The following CCDC134 variants were observed in gnomAD, a reference collection of about 807,000 sequenced individuals.
CCDC134 encodes coiled-coil domain-containing protein 134.
Under a neutral mutation model 25.6 loss-of-function variants are expected in CCDC134, and 27 were observed. The observed-to-expected ratio is 1.05, with a 90% confidence interval of 0.78 to 1.45. The LOEUF is 1.45. Ranked by LOEUF, CCDC134 falls within the 40% of genes most tolerant of loss-of-function variation. The pLI is 0.00. For missense variants in CCDC134, 261 were observed against 286.7 expected (o/e 0.91, Z 0.65); for synonymous variants, 110 against 115.0 (o/e 0.96, Z 0.28).
In CCDC134 at chr22:41,813,272, C is replaced by G; in HGVS notation, c.319C>G (p.His107Asp). Residue 107 changes from histidine to aspartate, a missense_variant, in exon 5 of 7, where the codon CAC (histidine) becomes GAC (aspartate). Transcript: ENST00000255784. ...CAGGGTCCTCTCGCCAGCTTTCTCC[C>G]ACGTGGTGGAGAACACGGCCTTCTT... ...QDEKLKDAFS[H>D]VVENTAFFGD... The G allele has an allele frequency of 6.2e-7, 1 of 1,614,166 alleles. No homozygotes were observed. Among genetic ancestry groups the G allele is most frequent in the Non-Finnish European group, 8.5e-7 (1 of 1,180,016 alleles).
intron 4 of CCDC134, 98 bp from the exon 5 acceptor site, chr22:41,813,166 G>T (rs2076605149): frequency 1.6e-6 from 2 of 1,227,366 alleles, no homozygotes; most frequent in Admixed American, 1.8e-5. Flanking sequence ...TTGCTTGGTG[G>T]GTTTGGTGGA....
At chr22:41,810,369 A>G (rs1399081912) in intron 4 of CCDC134, 78 bp downstream of exon 4, 14 of 1,372,190 alleles carry the variant, frequency 1.0e-5, no homozygotes, top group South Asian at 1.3e-5. Context: ...TGTTCTTGTC[A>G]CTCTTTTTTT....
rs1296576541 is a variant in CCDC134, at chr22:41,829,223, A to T, written c.*3400A>T. Among the ~76,000 whole-genome samples the T allele has an allele frequency of 1.3e-5, 2 of 151,898 alleles. No homozygotes were observed. The highest frequency in any genetic ancestry group is 4.8e-5 in the African/African-American group (2 of 41,338). On this transcript the variant is annotated 3_prime_UTR_variant, in exon 7 of 7. Transcript: ENST00000255784. Reference sequence around the variant, plus strand: ...CCACATCTTCCTCCCCTTCCCCATCACTGTCCTCAGAGAGATGCTGTTGAC... The same window carrying T: ...CCACATCTTCCTCCCCTTCCCCATCTCTGTCCTCAGAGAGATGCTGTTGAC...
At chr22:41,811,199 G>A (rs1028115768) in intron 4 of CCDC134, among the ~76,000 whole-genome samples, 1 of 152,140 alleles carries the variant, frequency 6.6e-6, no homozygotes, top group African/African-American at 2.4e-5. Context: ...GGATCTGGGG[G>A]ACTTGCTACC....
intron 1 of CCDC134, among the ~76,000 whole-genome samples, chr22:41,802,774 C>T (rs906205537): frequency 5.9e-5 from 9 of 151,814 alleles, no homozygotes; most frequent in African/African-American, 1.9e-4. Flanking sequence ...ATTAGCCGGG[C>T]GTGGTGGCAG....
At chr22:41,804,572 T>G (rs2148303478) in intron 1 of CCDC134, among the ~76,000 whole-genome samples, 1 of 152,286 alleles carries the variant, frequency 6.6e-6, no homozygotes, top group African/African-American at 2.4e-5. Flanking sequence ...TTAAAAACCA[T>G]TTAAGGCTAG....
chr22:41,808,074 C>T (rs753123100), intron 1 of CCDC134, among the ~76,000 whole-genome samples: 1 of 151,746 alleles, frequency 6.6e-6, no homozygotes, highest in Admixed American at 6.6e-5. Context: ...GCAGGAGAAT[C>T]GCTTGAACCC....
At chr22:41,816,870 AT>A (rs1440498670) in intron 6 of CCDC134, among the ~76,000 whole-genome samples, 2 of 152,162 alleles carry the variant, frequency 1.3e-5, no homozygotes, top group Non-Finnish European at 1.5e-5. Context: ...GTGAGCCAAG[AT>A]CGCACCACTG....
intron 1 of CCDC134, among the ~76,000 whole-genome samples, chr22:41,803,348 T>G (rs1324110674): frequency 6.6e-6 from 1 of 152,218 alleles, no homozygotes; most frequent in Non-Finnish European, 1.5e-5. Flanking sequence ...TACCTGGAGT[T>G]CATTGTTAAG....
chr22:41,820,495 C>T (rs537220609), intron 6 of CCDC134, among the ~76,000 whole-genome samples: 177 of 152,212 alleles, frequency 1.2e-3, no homozygotes, highest in African/African-American at 3.9e-3. Flanking sequence ...GGAGCATGGT[C>T]GGGGACCAGA....
At chr22:41,810,088 G>A (rs2076587154) in intron 3 of CCDC134, 88 bp downstream of exon 3, 2 of 1,597,764 alleles carry the variant, frequency 1.3e-6, no homozygotes, top group South Asian at 2.2e-5. Flanking sequence ...ACGGGTTGGT[G>A]TTCAGGGACA....
chr22:41,806,876 G>A (rs778419746), intron 1 of CCDC134, among the ~76,000 whole-genome samples: 7 of 151,908 alleles, frequency 4.6e-5, no homozygotes, highest in African/African-American at 9.7e-5. Context: ...GCAAAACCCC[G>A]TTGCTACTAA....
chr22:41,819,275 G>A (rs1340921218), intron 6 of CCDC134, among the ~76,000 whole-genome samples: 3 of 152,176 alleles, frequency 2.0e-5, no homozygotes, highest in Admixed American at 6.5e-5. Context: ...TGGCCCTGTC[G>A]CAGCTCCTCA....
In CCDC134 at chr22:41,825,643, G is replaced by T; in HGVS notation, c.565-55G>T. On this transcript the variant is annotated intron_variant, in intron 6 of 6. Transcript: ENST00000255784. The surrounding 1 kb of genome is among the most constrained non-coding windows in gnomAD (Gnocchi z 4.4). Reference sequence around the variant, plus strand: ...CACACCCCGCTGGTGGCCTAGCTCAGAGCAGGCTCTTTGCTGCCACAGACT... The same window carrying T: ...CACACCCCGCTGGTGGCCTAGCTCATAGCAGGCTCTTTGCTGCCACAGACT... The T allele has an allele frequency of 6.2e-7, 1 of 1,609,872 alleles. No homozygotes were observed. Among genetic ancestry groups the T allele is most frequent in the South Asian group, 1.1e-5 (1 of 90,740 alleles).
At position 41,831,835 on chromosome 22, in the gene CCDC134, G is replaced by A. The variant is rs958284936; in HGVS notation, c.*6012G>A. 6.6e-6 allele frequency: 1 copy of A among 152,046 alleles called. No homozygotes were observed. Among genetic ancestry groups the A allele is most frequent in the Non-Finnish European group, 1.5e-5 (1 of 68,016 alleles). The allele number at this position is 152,046 out of a possible 1,614,324, so 9.4% of individuals were successfully genotyped here. On this transcript the variant is annotated 3_prime_UTR_variant, in exon 7 of 7. Transcript: ENST00000255784. ...TTTTGCTAGACTGGAAGCTCTCAGA[G>A]GGCAGGAACCATTTGTTTCCCTGCC...
At chr22:41,804,081 C>G (rs1011447784) in intron 1 of CCDC134, among the ~76,000 whole-genome samples, 2 of 151,994 alleles carry the variant, frequency 1.3e-5, no homozygotes, top group African/African-American at 2.4e-5. Flanking sequence ...TTCATTGAGC[C>G]GAGATTGCAC....
chr22:41,825,732 T>C lies in CCDC134; in HGVS notation c.599T>C (p.Leu200Pro), dbSNP rs372744004. ...IPSTDPFQKALREEEKRRKKE... is the reference protein window; with the variant it reads ...IPSTDPFQKAPREEEKRRKKE... The stretch of plus-strand genomic sequence containing the variant: ...AGCACTGACCCTTTCCAGAAGGCCC[T>C]GAGAGAAGAAGAGAAACGCCGAAAG... The change falls in exon 7 of 7, where the codon CTG becomes CCG. Residue 200 changes from leucine to proline, a missense_variant. By Grantham distance (98) the Leu-to-Pro change is moderately conservative. Transcript: ENST00000255784. The surrounding 1 kb of genome is among the most constrained non-coding windows in gnomAD (Gnocchi z 4.4). 1.2e-6 allele frequency: 2 copies of C among 1,614,048 alleles called. No homozygotes were observed. The highest frequency in any genetic ancestry group is 1.7e-6 in the Non-Finnish European group (2 of 1,179,990).
At chr22:41,808,083 C>A (rs2076577032) in intron 1 of CCDC134, among the ~76,000 whole-genome samples, 1 of 151,904 alleles carries the variant, frequency 6.6e-6, no homozygotes, top group African/African-American at 2.4e-5. Flanking sequence ...TCGCTTGAAC[C>A]CGGGAGGTGG....
intron 1 of CCDC134, among the ~76,000 whole-genome samples, chr22:41,807,828 C>T (rs1459606883): frequency 6.6e-6 from 1 of 152,068 alleles, no homozygotes; most frequent in Non-Finnish European, 1.5e-5. Context: ...GGAGACCAGC[C>T]TGGGCAATAT....
Sources: gnomAD v4.1 joint callset for allele counts (sites outside exome capture counted in the v4.1 genomes callset) on GRCh38, gnomAD v4.1.1 for gene constraint, Gnocchi (gnomAD v3.1) non-coding constraint, MANE v1.5 for transcripts, NCBI Gene and HGNC (gene_info 2026-07-23, HGNC 2026-07-21) for gene names.